Variants in GRIP1 observed in about 807,000 individuals in gnomAD.
GRIP1 encodes glutamate receptor interacting protein 1.
Under a neutral mutation model 129.9 loss-of-function variants are expected in GRIP1, and 45 were observed. That is an observed-to-expected ratio of 0.35 (90% confidence interval 0.27 to 0.44). The LOEUF (loss-of-function observed/expected upper bound fraction) is 0.44. Among genes scored for constraint, GRIP1 ranks in the 20% least tolerant of loss-of-function variants. The probability of loss-of-function intolerance (pLI) is 1.00; values close to 1 mark genes in which losing one functional copy is unlikely to be tolerated. For missense variants in GRIP1, 1,196 were observed against 1,396.8 expected (o/e 0.86, Z 2.29); for synonymous variants, 530 against 520.8 (o/e 1.02, Z -0.24).
At chr12:66,973,592 T>C (rs929508483) in intron 1 of GRIP1, among the ~76,000 whole-genome samples, 2 of 152,116 alleles carry the variant, frequency 1.3e-5, no homozygotes, top group African/African-American at 4.8e-5. Context: ...AATCAAAGCA[T>C]CACAACTCTG....
At chr12:66,666,503 T>G (rs550536439) in intron 1 of GRIP1, among the ~76,000 whole-genome samples, 38 of 152,292 alleles carry the variant, frequency 2.5e-4, no homozygotes, top group Non-Finnish European at 5.0e-4. Flanking sequence ...TAATACATTA[T>G]TAAAATTCTA....
rs552038015 is a variant in GRIP1, at chr12:66,879,585, A to G, written c.58+189465T>C. On this transcript the variant is annotated intron_variant, in intron 1 of 1. Coordinates refer to the GRIP1 transcript ENST00000643019. The stretch of plus-strand genomic sequence containing the variant: ...CACTCAGAATCGCCTCTCCAAAAAT[A>G]AACAAAAGCTTCAGCTGGAGGAAGC... Among the ~76,000 whole-genome samples, 9 of 152,178 alleles carry G rather than the reference A, an allele frequency of 5.9e-5. No homozygotes were observed. The South Asian group carries it at 1.9e-3, about 32-fold the overall frequency.
At chr12:66,479,115 T>C (rs1432976518) in intron 7 of GRIP1, among the ~76,000 whole-genome samples, 1 of 115,576 alleles carries the variant, frequency 8.7e-6, no homozygotes, top group South Asian at 2.6e-4. Context: ...GAAAAAAAAA[T>C]CAATGAATCC....
In GRIP1 at chr12:66,411,489, AAGATTGAGGGT is replaced by A. The variant is rs1442239152; in HGVS notation, c.1839-5072_1839-5062del. ...CTCCATTCACAGATCAGCAACCTCAAAGATTGAGGGTAGATAAGTTCACAAAGATGAGAAAG... is the reference window on the plus strand; with the variant it reads ...CTCCATTCACAGATCAGCAACCTCAAAGATAAGTTCACAAAGATGAGAAAG... On this transcript the variant is annotated intron_variant, in intron 15 of 24. Coordinates refer to ENST00000359742, the MANE Select transcript of GRIP1 (RefSeq NM_001366722.1). Among the ~76,000 whole-genome samples, 18 of 152,274 alleles carry A rather than the reference AAGATTGAGGGT, an allele frequency of 1.2e-4. No homozygotes were observed. The East Asian group carries it at 2.1e-3, about 18-fold the overall frequency.
In GRIP1 at chr12:66,672,927, G is replaced by T. The variant is rs1478073358; in HGVS notation, c.55+5923C>A. Among the ~76,000 whole-genome samples, 3 of 152,054 alleles carry T rather than the reference G, an allele frequency of 2.0e-5. No homozygotes were observed. The South Asian group carries it at 6.2e-4, about 32-fold the overall frequency. Reference sequence around the variant, plus strand: ...GGAAATTCAGTTTTTTTGTTTGTTTGTTTTTGCCACACAAGTAAAAATAGG... The same window carrying T: ...GGAAATTCAGTTTTTTTGTTTGTTTTTTTTTGCCACACAAGTAAAAATAGG... On this transcript the variant is annotated intron_variant, in intron 1 of 24. Coordinates refer to ENST00000359742, the MANE Select transcript of GRIP1 (RefSeq NM_001366722.1).
intron 1 of GRIP1, among the ~76,000 whole-genome samples, chr12:66,811,914 C>T (rs1347097627): frequency 9.9e-5 from 15 of 151,866 alleles, no homozygotes; most frequent in Non-Finnish European, 2.9e-5. Context: ...TCTTCTTTTC[C>T]GTCTCTAAAT....
intron 1 of GRIP1, among the ~76,000 whole-genome samples, chr12:66,901,608 A>G (rs1439379212): frequency 6.6e-6 from 1 of 152,262 alleles, no homozygotes; most frequent in Non-Finnish European, 1.5e-5. Flanking sequence ...ATTCAAGGCT[A>G]TGTCAGGAAA....
intron 7 of GRIP1, among the ~76,000 whole-genome samples, chr12:66,488,125 GGACCTGATAGATA>G (rs1206784256): frequency 7.9e-5 from 12 of 152,182 alleles, no homozygotes; most frequent in Non-Finnish European, 1.5e-4. Context: ...TGGATCAAGT[GGACCTGATAGATA>G]TCTACAGAAC....
At chr12:66,807,625 G>C (rs2039019735), upstream of GRIP1, among the ~76,000 whole-genome samples, 1 of 151,932 alleles carries the variant, frequency 6.6e-6, no homozygotes, top group Admixed American at 6.6e-5. Context: ...AGTGAGTAGA[G>C]ACCCCGCCAC....
At chr12:66,516,711 T>C (rs138030472) in intron 6 of GRIP1, among the ~76,000 whole-genome samples, 168 of 152,298 alleles carry the variant, frequency 1.1e-3, no homozygotes, top group Non-Finnish European at 2.0e-3. Flanking sequence ...AGTGATTCAC[T>C]AGACACATGA....
At chr12:66,932,948 T>A (rs1257931725) in intron 1 of GRIP1, among the ~76,000 whole-genome samples, 1 of 152,176 alleles carries the variant, frequency 6.6e-6, no homozygotes. Context: ...ATTACAGGTG[T>A]GAGCCACCGT....
intron 1 of GRIP1, among the ~76,000 whole-genome samples, chr12:66,922,499 G>C (rs1215648646): frequency 6.6e-6 from 1 of 152,202 alleles, no homozygotes; most frequent in Non-Finnish European, 1.5e-5. Context: ...TTCTGAGTAG[G>C]AAAGTGTTGC....
intron 1 of GRIP1, among the ~76,000 whole-genome samples, chr12:66,720,594 A>G (rs948415537): frequency 6.6e-6 from 1 of 152,202 alleles, no homozygotes; most frequent in Admixed American, 6.5e-5. Context: ...GTAACATTAT[A>G]TATCTTTCAT....
chr12:66,908,267 GA>G (rs2040969132), intron 1 of GRIP1, among the ~76,000 whole-genome samples: 1 of 152,162 alleles, frequency 6.6e-6, no homozygotes, highest in South Asian at 2.1e-4. Context: ...CAGGAGGGCA[GA>G]AGACCAGGCA....
chr12:67,053,610 C>G (rs935475229), intron 1 of GRIP1, among the ~76,000 whole-genome samples: 2 of 151,970 alleles, frequency 1.3e-5, no homozygotes, highest in Non-Finnish European at 2.9e-5. Flanking sequence ...GAGGCTGAGG[C>G]GGGTATATCA....
At chr12:66,394,612 G>GC (rs1266049512) in intron 16 of GRIP1, among the ~76,000 whole-genome samples, 1 of 152,200 alleles carries the variant, frequency 6.6e-6, no homozygotes, top group East Asian at 1.9e-4. Context: ...AGCTGGGGCT[G>GC]CAGGACCTTT....
At chr12:66,722,147 T>C (rs1585868) in intron 1 of GRIP1, among the ~76,000 whole-genome samples, 33,330 of 152,104 alleles carry the variant, frequency 0.22, 3,847 homozygotes, top group Non-Finnish European at 0.23. Context: ...ATTCACAACT[T>C]GGTTAACTAT....
chr12:66,898,575 A>G (rs2040791173), intron 1 of GRIP1, among the ~76,000 whole-genome samples: 1 of 152,144 alleles, frequency 6.6e-6, no homozygotes, highest in Non-Finnish European at 1.5e-5. Flanking sequence ...CAAAATTCAT[A>G]TATATACACT....
At chr12:66,601,173 A>G (rs1024046455) in intron 1 of GRIP1, among the ~76,000 whole-genome samples, 8 of 152,130 alleles carry the variant, frequency 5.3e-5, no homozygotes, top group Non-Finnish European at 8.8e-5. Context: ...ATTCCCCCCA[A>G]TTTGGCCAGT....
Sources: gnomAD v4.1 joint callset for allele counts (sites outside exome capture counted in the v4.1 genomes callset) on GRCh38, gnomAD v4.1.1 for gene constraint, MANE v1.5 for transcripts, NCBI Gene and HGNC (gene_info 2026-07-23, HGNC 2026-07-21) for gene names.